Variants in ST18 observed in about 807,000 individuals in gnomAD.
ST18 encodes suppression of tumorigenicity 18 protein.
In ST18, 50 loss-of-function variants were observed where a neutral mutation model predicts 110.0. That is an observed-to-expected ratio of 0.45 (90% CI 0.36 to 0.58). The LOEUF (loss-of-function observed/expected upper bound fraction) is 0.58, where lower values mean the gene tolerates loss of function less well. Ranked by LOEUF, ST18 falls within the 20% of genes least tolerant of loss-of-function variation. The pLI, the probability that ST18 is intolerant of heterozygous loss-of-function variation, is 0.00. For missense variants in ST18, 1,306 were observed against 1,280.1 expected, an observed-to-expected ratio of 1.02 and a Z score of -0.31; for synonymous variants, 461 against 452.4, an observed-to-expected ratio of 1.02 and a Z score of -0.24.
chr8:52,312,900 C>T (rs77432209), intron 2 of ST18, among the ~76,000 whole-genome samples: 17,968 of 152,172 alleles, frequency 0.12, 1,421 homozygotes, highest in Middle Eastern at 0.24. Context: ...GAAACAATGC[C>T]AGCCCCTTGG....
chr8:52,408,253 A>C (rs1845203534), intron 2 of ST18, among the ~76,000 whole-genome samples: 4 of 152,246 alleles, frequency 2.6e-5, no homozygotes. Flanking sequence ...CTACTTTGGC[A>C]TAAATTATTT....
intron 22 of ST18, among the ~76,000 whole-genome samples, chr8:52,126,701 C>G (rs1000184689): frequency 1.3e-5 from 2 of 152,132 alleles, no homozygotes; most frequent in African/African-American, 4.8e-5. Context: ...TTAACTTTTA[C>G]AACATTTTTC....
In ST18 at chr8:52,126,178, T is replaced by A. The variant is rs369161555; in HGVS notation, c.2667-38A>T. The A allele has an allele frequency of 1.5e-5, 24 of 1,562,226 alleles. No individual in the cohort carries two copies. The African/African-American group carries it at 3.2e-4, about 21-fold the overall frequency. On this transcript the variant is annotated intron_variant, in intron 22 of 25. Coordinates refer to ENST00000689386, the MANE Select transcript of ST18 (RefSeq NM_001352837.2). ...AAATTGTACTAATGTATGAAATGTA[T>A]ATGATTTCTTATAAAAATTAAAATG...
chr8:52,203,674 T>C (rs762475436), intron 8 of ST18, among the ~76,000 whole-genome samples: 1 of 152,216 alleles, frequency 6.6e-6, no homozygotes, highest in African/African-American at 2.4e-5. Context: ...GGAAGTATTC[T>C]GCCTGATGAT....
intron 23 of ST18, among the ~76,000 whole-genome samples, chr8:52,121,162 G>A (rs970152358): frequency 6.6e-6 from 1 of 152,100 alleles, no homozygotes; most frequent in African/African-American, 2.4e-5. Context: ...TTTCGCTGAG[G>A]GCCAATGTTC....
chr8:52,326,082 C>CA (rs1427582125), intron 2 of ST18, among the ~76,000 whole-genome samples: 1 of 152,166 alleles, frequency 6.6e-6, no homozygotes, highest in Admixed American at 6.5e-5. Context: ...TAGAAAAATA[C>CA]AAAGCATAGA....
rs2082442400 is a variant in ST18, at chr8:52,212,260, A to C, written c.56-151T>G. Reference sequence around the variant, plus strand: ...TTCTTGTTCTAGTTCTTTGGAGATGAGAGGACAGATGGATATGGCCCAGAA... The same window carrying C: ...TTCTTGTTCTAGTTCTTTGGAGATGCGAGGACAGATGGATATGGCCCAGAA... On this transcript the variant is annotated intron_variant, in intron 7 of 25. Transcript: ENST00000689386. 5 of 712,250 alleles carry C rather than the reference A, an allele frequency of 7.0e-6. No individual in the cohort carries two copies. The South Asian group carries it at 7.4e-5, about 11-fold the overall frequency. The allele number at this position is 712,250 out of a possible 1,614,324, so 44.1% of individuals were successfully genotyped here.
At chr8:52,270,187 T>C (rs1051548623) in intron 2 of ST18, among the ~76,000 whole-genome samples, 2 of 152,356 alleles carry the variant, frequency 1.3e-5, no homozygotes, top group South Asian at 2.1e-4. Flanking sequence ...GTGAATATAT[T>C]ACATATAAAA....
In ST18 at chr8:52,254,405, G is replaced by A. The variant is rs182358971; in HGVS notation, c.-464-24328C>T. The A allele has an allele frequency of 9.9e-5, 15 of 152,156 alleles. No individual in the cohort carries two copies. In the East Asian group the frequency reaches 2.3e-3, roughly 24 times the overall value. 9.4% of individuals were successfully genotyped at this position (152,156 alleles called of 1,614,324 possible). A position where few individuals can be genotyped will look rare whatever the true frequency, so the allele number is the denominator to read the frequency against. On this transcript the variant is annotated intron_variant, in intron 2 of 25. Transcript: ENST00000689386. ...ACCTGCGTTTGTGTCCCCTCCTTACGTCACACCTCCCTATTCAGACCTTCT... is the reference window on the plus strand; with the variant it reads ...ACCTGCGTTTGTGTCCCCTCCTTACATCACACCTCCCTATTCAGACCTTCT...
At chr8:52,197,393 A>G (rs2076502097) in intron 8 of ST18, among the ~76,000 whole-genome samples, 2 of 152,224 alleles carry the variant, frequency 1.3e-5, no homozygotes, top group Admixed American at 1.3e-4. Flanking sequence ...GCACAGCCTT[A>G]CTAATGAAAA....
At chr8:52,131,858 T>A in intron 22 of ST18, 100 bp downstream of exon 22, 1 of 1,072,566 alleles carries the variant, frequency 9.3e-7, no homozygotes, top group South Asian at 1.5e-5. Flanking sequence ...ACTGCTACAG[T>A]GAACAACCTT....
chr8:52,125,718 G>A (rs2046787906), intron 23 of ST18, among the ~76,000 whole-genome samples: 1 of 151,716 alleles, frequency 6.6e-6, no homozygotes, highest in Admixed American at 6.6e-5. Flanking sequence ...ACAAACTCCT[G>A]ACCTCAAGCA....
intron 6 of ST18, among the ~76,000 whole-genome samples, chr8:52,215,948 G>C (rs1464155576): frequency 1.3e-5 from 2 of 152,202 alleles, no homozygotes; most frequent in Admixed American, 6.5e-5. Context: ...GGGTGAAAAT[G>C]ATGAAAACCA....
Position 52,161,373 on chromosome 8 carries a change from A to G in ST18, c.1594+2T>C. 6.2e-7 allele frequency: 1 copy of G among 1,613,034 alleles called. No individual in the cohort carries two copies. Among genetic ancestry groups the G allele is most frequent in the Non-Finnish European group, 8.5e-7 (1 of 1,179,296 alleles). On this transcript the variant is annotated splice_donor_variant, in intron 14 of 25. Transcript: ENST00000689386. LOFTEE classifies it high-confidence loss of function. ...GAAACGGCATTAGAGCTCAAAGCTT[A>G]CATTCAGGAAATGGTGGTGTTTTTC... is the stretch of plus-strand genomic sequence containing the variant.
intron 15 of ST18, among the ~76,000 whole-genome samples, chr8:52,151,373 C>A (rs991991359): frequency 1.3e-5 from 2 of 152,162 alleles, no homozygotes; most frequent in South Asian, 2.1e-4. Flanking sequence ...GAGGTAAATA[C>A]GCTTCTAATA....
In ST18 at chr8:52,220,822, A is replaced by T. The variant is rs1352588745; in HGVS notation, c.-238T>A. On this transcript the variant is annotated 5_prime_UTR_variant, in exon 5 of 26. Transcript: ENST00000689386. ...GGGACTAAATAAATGACTTTGTCTT[A>T]TTTAGTGATAAATCCTGAAATTCAT... 6.6e-6 allele frequency: 1 copy of T among 152,208 alleles called. No individual in the cohort carries two copies. Among genetic ancestry groups the T allele is most frequent in the Non-Finnish European group, 1.5e-5 (1 of 68,032 alleles). 9.4% of individuals were successfully genotyped at this position (152,208 alleles called of 1,614,324 possible).
chr8:52,125,031 T>A (rs549834896), intron 23 of ST18, among the ~76,000 whole-genome samples: 1 of 152,320 alleles, frequency 6.6e-6, no homozygotes, highest in African/African-American at 2.4e-5. Flanking sequence ...AAATAATTGC[T>A]CTGTCATTGT....
chr8:52,377,342 A>T (rs933095579), intron 2 of ST18, among the ~76,000 whole-genome samples: 2 of 152,178 alleles, frequency 1.3e-5, no homozygotes, highest in Non-Finnish European at 2.9e-5. Context: ...ACAACCCTAG[A>T]TCTATGTGGT....
chr8:52,186,440 C>A (rs1489706101), intron 8 of ST18, among the ~76,000 whole-genome samples: 1 of 152,130 alleles, frequency 6.6e-6, no homozygotes, highest in Non-Finnish European at 1.5e-5. Flanking sequence ...GGATCTCAGG[C>A]AACTGGAACG....
Sources: gnomAD v4.1 joint callset for allele counts (sites outside exome capture counted in the v4.1 genomes callset) on GRCh38, gnomAD v4.1.1 for gene constraint, MANE v1.5 for transcripts, NCBI Gene and HGNC (gene_info 2026-07-23, HGNC 2026-07-21) for gene names.